The following USP25 variants were observed in gnomAD, a reference collection of about 807,000 sequenced individuals.
USP25 encodes the protein ubiquitin specific peptidase 25.
In USP25, 85 loss-of-function variants were observed where a neutral mutation model predicts 158.5. That is an observed-to-expected ratio of 0.54 (90% CI 0.45 to 0.64). The LOEUF is 0.64. USP25 is among the 30% of genes least tolerant of loss of function. The probability of loss-of-function intolerance (pLI) is 0.00; values close to 1 mark genes in which losing one functional copy is unlikely to be tolerated. For synonymous variants in USP25, 464 were observed against 460.4 expected (o/e 1.01, Z -0.10); for missense variants, 1,242 against 1,327.3 (o/e 0.94, Z 1.00).
Position 15,833,529 on chromosome 21 carries a change from A to G in USP25, c.2175A>G (p.Ser725=), listed in dbSNP as rs2037913736. 1.9e-6 allele frequency: 3 copies of G among 1,613,656 alleles called. No individual in the cohort carries two copies. The highest frequency in any genetic ancestry group is 1.7e-5 in the Admixed American group (1 of 59,946). Residue 725 remains serine (S), a synonymous_variant, in exon 17 of 26, where the codon TCA becomes TCG. Coordinates refer to ENST00000400183, the MANE Select transcript of USP25 (RefSeq NM_001283041.3). Reference sequence around the variant, plus strand: ...TAGCGTCTCAGAAATTGAGAGAGTCAGAGACTTCTGTGACAACAGGTTTGT... The same window carrying G: ...TAGCGTCTCAGAAATTGAGAGAGTCGGAGACTTCTGTGACAACAGGTTTGT... ...KLLASQKLRE[S]ETSVTTAQAA... is the part of the protein sequence containing the mutation.
At chr21:15,797,187 G>A (rs2035902575) in intron 5 of USP25, among the ~76,000 whole-genome samples, 1 of 151,312 alleles carries the variant, frequency 6.6e-6, no homozygotes, top group African/African-American at 2.4e-5. Flanking sequence ...GTTCCAGAGG[G>A]AGAGTAAAAG....
In USP25 at chr21:15,833,512, C is replaced by T. The variant is rs780338085; in HGVS notation, c.2158C>T (p.Gln720Ter). ...KALQEKLLASQKLRESETSVT... is the reference protein window; with the variant it reads ...KALQEKLLAS Reference sequence around the variant, plus strand: ...TTTGCAGGAAAAGCTTTTAGCGTCTCAGAAATTGAGAGAGTCAGAGACTTC... The same window carrying T: ...TTTGCAGGAAAAGCTTTTAGCGTCTTAGAAATTGAGAGAGTCAGAGACTTC... The change falls in exon 17 of 26, where the codon CAG becomes TAG. Residue 720 changes from glutamine (Q) to a stop codon, truncating the protein, a stop_gained. Transcript: ENST00000400183. LOFTEE classifies it high-confidence loss of function. 4 of 1,613,948 alleles carry T rather than the reference C, an allele frequency of 2.5e-6. No homozygotes were observed. In the South Asian group the frequency reaches 4.4e-5, roughly 18 times the overall value.
chr21:15,730,976 G>GTTTTTTTTTTTTTTTTTT (rs748732727), intron 1 of USP25, among the ~76,000 whole-genome samples: 2 of 53,648 alleles, frequency 3.7e-5, no homozygotes, highest in Non-Finnish European at 6.8e-5. Context: ...CTTCTTTTCT[G>GTTTTTTTTTTTTTTTTTT]TTTTTTTTTT....
In USP25 at chr21:15,864,249, T is replaced by C; in HGVS notation, c.2548-19T>C. The C allele has an allele frequency of 1.9e-6, 3 of 1,589,728 alleles. No individual in the cohort carries two copies. Among genetic ancestry groups the C allele is most frequent in the Admixed American group, 1.9e-5 (1 of 52,336 alleles). On this transcript the variant is annotated intron_variant, in intron 20 of 25. Coordinates refer to ENST00000400183, the MANE Select transcript of USP25 (RefSeq NM_001283041.3). ...TTCAAATAATTAACCAAAATTATCA[T>C]TTTCATTGCATTTTCCAGGCAATTA...
At chr21:15,780,197 A>G (rs1325798095) in intron 4 of USP25, among the ~76,000 whole-genome samples, 1 of 152,198 alleles carries the variant, frequency 6.6e-6, no homozygotes, top group Non-Finnish European at 1.5e-5. Context: ...TTTAGTAGAC[A>G]TAATTTAATG....
chr21:15,833,320 A>T (rs1221123256), intron 16 of USP25, 28 bp from the exon 17 acceptor site: 1 of 1,589,970 alleles, frequency 6.3e-7, no homozygotes, highest in Non-Finnish European at 8.6e-7. Context: ...TCTTAATTTT[A>T]TACTAGTTTT....
chr21:15,745,005 T>A (rs949865709), intron 1 of USP25: 4 of 152,390 alleles, frequency 2.6e-5, no homozygotes, highest in Non-Finnish European at 5.9e-5. Flanking sequence ...CTGACCACTT[T>A]AGGGCCACGG....
intron 1 of USP25, among the ~76,000 whole-genome samples, chr21:15,748,468 T>TG (rs1267076783): frequency 6.9e-6 from 1 of 144,906 alleles, no homozygotes; most frequent in Non-Finnish European, 1.5e-5. Flanking sequence ...TTTTTTTTTT[T>TG]TTTTTTTTTT....
Position 15,826,148 on chromosome 21 carries a change from G to A in USP25, c.1305-56G>A. ...TATCACGTTTTATAATAATAATAAAGGCCCAAATATGCTGTATATAGAAAT... is the reference window on the plus strand; with the variant it reads ...TATCACGTTTTATAATAATAATAAAAGCCCAAATATGCTGTATATAGAAAT... On this transcript the variant is annotated intron_variant, in intron 12 of 25. Transcript: ENST00000400183. The surrounding 1 kb of genome is among the most constrained non-coding windows in gnomAD (Gnocchi z 4.8). 2.6e-6 allele frequency: 4 copies of A among 1,523,108 alleles called. No individual in the cohort carries two copies. The highest frequency in any genetic ancestry group is 1.4e-5 in the African/African-American group (1 of 72,122). 94.3% of individuals were successfully genotyped at this position (1,523,108 alleles called of 1,614,324 possible). A position where few individuals can be genotyped will look rare whatever the true frequency, so the allele number is the denominator to read the frequency against.
At position 15,833,545 on chromosome 21, in the gene USP25, A is replaced by G; in HGVS notation, c.2191A>G (p.Thr731Ala). The G allele has an allele frequency of 1.2e-6, 2 of 1,612,158 alleles. No individual in the cohort carries two copies. The highest frequency in any genetic ancestry group is 2.2e-5 in the East Asian group (1 of 44,798). ...KLRESETSVT[T>A]AQAAGDPEYL... ...GAGAGAGTCAGAGACTTCTGTGACA[A>G]CAGGTTTGTCCATTTTTATTAAGTT... The change falls in exon 17 of 26, where the codon ACA becomes GCA. Residue 731 changes from threonine to alanine, a missense_variant. Physicochemically the swap from Thr to Ala is moderately conservative, Grantham distance 58. This residue lies in a region of USP25 where 608 missense variants were observed against 605.2 expected (regional missense o/e 1.00). Coordinates refer to ENST00000400183, the MANE Select transcript of USP25 (RefSeq NM_001283041.3).
chr21:15,743,517 GT>G (rs1568748861), intron 1 of USP25, among the ~76,000 whole-genome samples: 1 of 152,118 alleles, frequency 6.6e-6, no homozygotes, highest in Non-Finnish European at 1.5e-5. Flanking sequence ...TGAGTCCAGG[GT>G]TTTTTTAGGT....
Position 15,843,522 on chromosome 21 carries a change from T to C in USP25, c.2337+982T>C, listed in dbSNP as rs1486562026. Among the ~76,000 whole-genome samples the C allele has an allele frequency of 6.6e-6, 1 of 152,236 alleles. No individual in the cohort carries two copies. Among genetic ancestry groups the C allele is most frequent in the Non-Finnish European group, 1.5e-5 (1 of 68,036 alleles). On this transcript the variant is annotated intron_variant, in intron 18 of 25. Transcript: ENST00000400183. The surrounding 1 kb of genome is among the most constrained non-coding windows in gnomAD (Gnocchi z 4.0). ...ACTAAATAACAATACAAATTATTTTTTGTTTGAACAATTTTGAAAATGTAT... is the reference window on the plus strand; with the variant it reads ...ACTAAATAACAATACAAATTATTTTCTGTTTGAACAATTTTGAAAATGTAT...
chr21:15,870,117 T>C lies in USP25; in HGVS notation c.2855T>C (p.Ile952Thr), dbSNP rs2039822805. 2 of 1,609,718 alleles carry C rather than the reference T, an allele frequency of 1.2e-6. No homozygotes were observed. The highest frequency in any genetic ancestry group is 1.3e-5 in the African/African-American group (1 of 74,670). ...RKFRETTMYL[I>T]IGLENFQRES... ...TTCAGGGAAACAACTATGTATCTCATAATTGGGCTAGAAAATTTTCAAAGA... is the reference window on the plus strand; with the variant it reads ...TTCAGGGAAACAACTATGTATCTCACAATTGGGCTAGAAAATTTTCAAAGA... Residue 952 changes from isoleucine (I) to threonine (T), a missense_variant, in exon 23 of 26, where the codon ATA (isoleucine) becomes ACA (threonine). Ile to Thr is a moderately conservative substitution (Grantham distance 89, BLOSUM62 -1). Around this residue, in one of 3 missense-constraint regions of USP25, gnomAD observed 608 missense variants for 605.2 expected, o/e 1.00. Coordinates refer to ENST00000400183, the MANE Select transcript of USP25 (RefSeq NM_001283041.3).
intron 7 of USP25, 70 bp downstream of exon 7, chr21:15,805,328 C>A: frequency 7.3e-7 from 1 of 1,370,718 alleles, no homozygotes. Context: ...GCACCTTTCC[C>A]AAGAATATGA....
chr21:15,839,747 T>G (rs981542759), intron 17 of USP25, among the ~76,000 whole-genome samples: 4 of 152,202 alleles, frequency 2.6e-5, no homozygotes, highest in African/African-American at 9.6e-5. Context: ...CCCTTGTAAT[T>G]CTTCTAAGAC....
At chr21:15,778,070 A>G in intron 4 of USP25, 43 bp downstream of exon 4, 12 of 1,476,504 alleles carry the variant, frequency 8.1e-6, no homozygotes, top group Non-Finnish European at 1.1e-5. Flanking sequence ...GTACTTTTAA[A>G]AATAGAAATC....
At chr21:15,788,131 T>G (rs1372465262) in intron 4 of USP25, among the ~76,000 whole-genome samples, 1 of 151,870 alleles carries the variant, frequency 6.6e-6, no homozygotes, top group African/African-American at 2.4e-5. Flanking sequence ...GAGTTTACCC[T>G]TCAAACATTT....
intron 4 of USP25, among the ~76,000 whole-genome samples, chr21:15,785,636 A>G (rs1438843612): frequency 1.3e-5 from 2 of 152,158 alleles, no homozygotes; most frequent in Non-Finnish European, 2.9e-5. Flanking sequence ...GTGGAAACAC[A>G]TACAAAAACC....
At chr21:15,845,293 G>T (rs1267078102) in intron 18 of USP25, among the ~76,000 whole-genome samples, 2 of 152,060 alleles carry the variant, frequency 1.3e-5, no homozygotes, top group East Asian at 1.9e-4. Context: ...TATTAACTGA[G>T]AAACTTATTT....
Sources: allele counts gnomAD v4.1 joint callset (sites outside exome capture counted in the v4.1 genomes callset), GRCh38; gene constraint gnomAD v4.1.1; regional missense constraint gnomAD v4.1.1; non-coding constraint Gnocchi (gnomAD v3.1); transcripts MANE v1.5; gene names NCBI Gene and HGNC (gene_info 2026-07-23, HGNC 2026-07-21).